The following LHCGR variants were observed in gnomAD, a reference collection of about 807,000 sequenced individuals.
LHCGR encodes lutropin-choriogonadotropic hormone receptor.
LHCGR carries 55 observed loss-of-function variants against 60.7 expected under a neutral mutation model. The ratio of observed to expected loss-of-function variants is 0.91; its 90% CI spans 0.73 to 1.13. The LOEUF (loss-of-function observed/expected upper bound fraction) is 1.13, where lower values mean the gene tolerates loss of function less well. Ranked by LOEUF, LHCGR falls within the 50% of genes most tolerant of loss-of-function variation. The probability of loss-of-function intolerance (pLI) is 0.00; values close to 1 mark genes in which losing one functional copy is unlikely to be tolerated. For missense variants in LHCGR, 862 were observed against 836.0 expected, an observed-to-expected ratio of 1.03 and a Z score of -0.38; for synonymous variants, 337 against 316.5, an observed-to-expected ratio of 1.06 and a Z score of -0.69.
chr2:48,742,409 A>G (rs2103691711), intron 1 of LHCGR, among the ~76,000 whole-genome samples: 1 of 150,358 alleles, frequency 6.7e-6, no homozygotes, highest in Non-Finnish European at 1.5e-5. Flanking sequence ...GCACCACACC[A>G]CACCTATTCC....
chr2:48,699,073 C>G (rs1222148969), intron 8 of LHCGR, among the ~76,000 whole-genome samples: 1 of 152,124 alleles, frequency 6.6e-6, no homozygotes, highest in African/African-American at 2.4e-5. Flanking sequence ...ATCCGCCCAC[C>G]TCGGCCCCTC....
chr2:48,702,597 C>CT (rs1405917433), intron 8 of LHCGR, among the ~76,000 whole-genome samples: 1 of 152,062 alleles, frequency 6.6e-6, no homozygotes, highest in Non-Finnish European at 1.5e-5. Context: ...TGAACTTATC[C>CT]TTTTTTATGG....
chr2:48,755,184 G>A (rs1670150811), intron 1 of LHCGR, among the ~76,000 whole-genome samples: 1 of 151,794 alleles, frequency 6.6e-6, no homozygotes, highest in Non-Finnish European at 1.5e-5. Context: ...TGCCAGAGGA[G>A]TTGAGGAGCG....
At chr2:48,743,544 C>A (rs1257145866) in intron 1 of LHCGR, among the ~76,000 whole-genome samples, 1 of 152,096 alleles carries the variant, frequency 6.6e-6, no homozygotes, top group Non-Finnish European at 1.5e-5. Context: ...TCAACACATG[C>A]AAATCAATAA....
At chr2:48,710,703 C>T (rs1422713399) in intron 7 of LHCGR, among the ~76,000 whole-genome samples, 1 of 152,324 alleles carries the variant, frequency 6.6e-6, no homozygotes, top group South Asian at 2.1e-4. Context: ...TCCTAGACCC[C>T]TCAGGTGCCT....
At chr2:48,700,498 A>G (rs879421642) in intron 8 of LHCGR, among the ~76,000 whole-genome samples, 3 of 152,116 alleles carry the variant, frequency 2.0e-5, no homozygotes, top group Admixed American at 6.5e-5. Flanking sequence ...AGTCACTTCT[A>G]AGGAGCTAAC....
chr2:48,752,322 G>A (rs998122963), intron 1 of LHCGR, among the ~76,000 whole-genome samples: 3 of 152,064 alleles, frequency 2.0e-5, no homozygotes, highest in African/African-American at 7.2e-5. Flanking sequence ...TAGAAGGTAA[G>A]GTTACTAGGA....
At chr2:48,729,069 A>T (rs1668869179) in intron 3 of LHCGR, 84 bp downstream of exon 3, 1 of 1,047,494 alleles carries the variant, frequency 9.5e-7, no homozygotes, top group African/African-American at 1.6e-5. Context: ...CTAGCAGTGG[A>T]TGCTTGAATA....
intron 1 of LHCGR, among the ~76,000 whole-genome samples, chr2:48,738,227 AT>A (rs1012042419): frequency 1.2e-3 from 184 of 151,650 alleles, no homozygotes; most frequent in African/African-American, 4.1e-3. Flanking sequence ...TTACTACACT[AT>A]TTTTTTTCCC....
intron 1 of LHCGR, among the ~76,000 whole-genome samples, chr2:48,753,420 C>G (rs1301906435): frequency 6.6e-6 from 1 of 152,186 alleles, no homozygotes; most frequent in East Asian, 1.9e-4. Context: ...GAGGGCATCT[C>G]TCAACCATCT....
intron 8 of LHCGR, among the ~76,000 whole-genome samples, chr2:48,708,152 G>A (rs74555260): frequency 0.04 from 6,034 of 152,206 alleles, 184 homozygotes; most frequent in Non-Finnish European, 0.061. Flanking sequence ...CTATTCGGCC[G>A]TCTTGGAAAC....
chr2:48,741,721 C>T (rs1669463472), intron 1 of LHCGR, among the ~76,000 whole-genome samples: 1 of 151,504 alleles, frequency 6.6e-6, no homozygotes, highest in African/African-American at 2.4e-5. Context: ...CAACCGGTAC[C>T]AGCCGCTGCA....
Sources: gnomAD v4.1 joint callset for allele counts (sites outside exome capture counted in the v4.1 genomes callset) on GRCh38, gnomAD v4.1.1 for gene constraint, MANE v1.5 for transcripts, NCBI Gene and HGNC (gene_info 2026-07-23, HGNC 2026-07-21) for gene names.